Variants in AFF4 observed in about 807,000 individuals in gnomAD.
AFF4 encodes the protein AF4/FMR2 family member 4.
In AFF4, 13 loss-of-function variants were observed where a neutral mutation model predicts 124.8. The observed-to-expected ratio is 0.10, with a 90% CI of 0.07 to 0.17. The LOEUF is 0.17. AFF4 is among the 10% of genes least tolerant of loss of function. The pLI, the probability that AFF4 is intolerant of heterozygous loss-of-function variation, is 1.00. For missense variants in AFF4, 1,092 were observed against 1,403.8 expected, an observed-to-expected ratio of 0.78 and a Z score of 3.55; for synonymous variants, 477 against 496.1, an observed-to-expected ratio of 0.96 and a Z score of 0.51.
chr5:132,947,403 G>A (rs12519955), intron 1 of AFF4, among the ~76,000 whole-genome samples: 17,540 of 152,080 alleles, frequency 0.12, 1,284 homozygotes, highest in South Asian at 0.2. Flanking sequence ...ACTCTGCCTC[G>A]AAAACAAAAA....
intron 1 of AFF4, among the ~76,000 whole-genome samples, chr5:132,958,292 A>G (rs1369547472): frequency 1.3e-5 from 2 of 151,706 alleles, no homozygotes; most frequent in Admixed American, 1.3e-4. Flanking sequence ...GCGAAACCCC[A>G]TTTCTACAAA....
At chr5:132,927,861 A>T (rs995117903) in intron 4 of AFF4, among the ~76,000 whole-genome samples, 2 of 152,172 alleles carry the variant, frequency 1.3e-5, no homozygotes, top group East Asian at 3.9e-4. Flanking sequence ...GAAAAGCAAG[A>T]CCCTAAGTTT....
chr5:132,912,192 AC>A (rs1465792797), intron 5 of AFF4, among the ~76,000 whole-genome samples: 11 of 147,052 alleles, frequency 7.5e-5, no homozygotes, highest in African/African-American at 2.3e-4. Context: ...AAAAAAAAAA[AC>A]ATTTAGCAGG....
Position 132,892,321 on chromosome 5 carries a change from T to C in AFF4, c.2480A>G (p.Glu827Gly). ...GPVPSKDPKT[E>G]HGSRKRTISQ... ...AATAGTCCTCTTCCGAGAGCCATGC[T>C]CTGTTTTTGGATCTTTTGAAGGAAC... is the stretch of plus-strand genomic sequence containing the variant. Residue 827 changes from glutamate to glycine, a missense_variant, in exon 13 of 21, where the codon GAG (glutamate) becomes GGG (glycine). Glu to Gly is a moderately conservative substitution (Grantham distance 98, BLOSUM62 -2). This residue lies in a region of AFF4 where 293 missense variants were observed against 280.2 expected (regional missense o/e 1.05). Coordinates refer to ENST00000265343, the MANE Select transcript of AFF4 (RefSeq NM_014423.4). The C allele has an allele frequency of 6.2e-7, 1 of 1,614,130 alleles. No individual in the cohort carries two copies. Among genetic ancestry groups the C allele is most frequent in the South Asian group, 1.1e-5 (1 of 91,084 alleles).
At chr5:132,929,051 C>G (rs180781885) in intron 4 of AFF4, among the ~76,000 whole-genome samples, 16 of 152,112 alleles carry the variant, frequency 1.1e-4, no homozygotes, top group African/African-American at 3.9e-4. Flanking sequence ...TTGAATAAAT[C>G]ATTTTTTCAA....
intron 5 of AFF4, among the ~76,000 whole-genome samples, chr5:132,910,287 TC>T (rs1760764872): frequency 6.6e-6 from 1 of 152,112 alleles, no homozygotes; most frequent in Non-Finnish European, 1.5e-5. Flanking sequence ...CTAAACCAGC[TC>T]CCCAATATGA....
chr5:132,914,473 T>G (rs1027930643), intron 5 of AFF4, among the ~76,000 whole-genome samples: 5 of 151,726 alleles, frequency 3.3e-5, no homozygotes, highest in African/African-American at 1.2e-4. Flanking sequence ...TGGTGGCATG[T>G]GCCTGTAATC....
At position 132,949,032 on chromosome 5, in the gene AFF4, T is replaced by C. The variant is rs79840791; in HGVS notation, c.-4-11839A>G. 6.3e-4 allele frequency among the ~76,000 whole-genome samples: 96 copies of C among 152,162 alleles called. 3 individuals carry two copies. In the East Asian group the frequency reaches 0.015, roughly 24 times the overall value. On this transcript the variant is annotated intron_variant, in intron 1 of 20. Transcript: ENST00000265343. Reference sequence around the variant, plus strand: ...ATATATTAATCTATCCCTTGGAATTTATAGATTTGAAGATGGCTCTTGCCT... The same window carrying C: ...ATATATTAATCTATCCCTTGGAATTCATAGATTTGAAGATGGCTCTTGCCT...
Position 132,951,168 on chromosome 5 carries a change from G to A in AFF4, c.-5+12091C>T, listed in dbSNP as rs534132048. Among the ~76,000 whole-genome samples, 9 of 151,560 alleles carry A rather than the reference G, an allele frequency of 5.9e-5. No individual in the cohort carries two copies. The South Asian group carries it at 8.3e-4, about 14-fold the overall frequency. ...TGAACCAGGAGGCAGAGGTTGCAGC[G>A]AGCAGAGATCGCCACACTGCACTCT... is the stretch of plus-strand genomic sequence containing the variant. On this transcript the variant is annotated intron_variant, in intron 1 of 20. Coordinates refer to ENST00000265343, the MANE Select transcript of AFF4 (RefSeq NM_014423.4).
chr5:132,926,234 T>C (rs766579411), intron 5 of AFF4: 9 of 485,410 alleles, frequency 1.9e-5, no homozygotes, highest in Non-Finnish European at 3.3e-5. Flanking sequence ...AGGAGCTCTG[T>C]TGGGATGAAG....
chr5:132,948,938 C>A (rs1011346780), intron 1 of AFF4, among the ~76,000 whole-genome samples: 44 of 152,032 alleles, frequency 2.9e-4, no homozygotes, highest in African/African-American at 8.5e-4. Context: ...GTGTACTTAA[C>A]CTAAACTGTG....
chr5:132,924,008 C>T (rs1761114230), intron 5 of AFF4, among the ~76,000 whole-genome samples: 1 of 152,096 alleles, frequency 6.6e-6, no homozygotes, highest in Non-Finnish European at 1.5e-5. Flanking sequence ...GTGATCCCAG[C>T]ACTTTGGGAG....
intron 1 of AFF4, among the ~76,000 whole-genome samples, 163 bp downstream of exon 1, chr5:132,963,096 G>C (rs371815426): frequency 6.6e-6 from 1 of 152,120 alleles, no homozygotes; most frequent in East Asian, 1.9e-4. Context: ...GGTGGGGTGG[G>C]ACGCGCAGAT....
chr5:132,892,003 C>A, intron 13 of AFF4, 161 bp downstream of exon 13: 1 of 1,102,010 alleles, frequency 9.1e-7, no homozygotes, highest in Non-Finnish European at 1.3e-6. Context: ...AGTCTTATAT[C>A]ACTGTATTCA....
At chr5:132,887,430 GATTC>G in intron 17 of AFF4, 87 bp downstream of exon 17, 10 of 1,208,176 alleles carry the variant, frequency 8.3e-6, no homozygotes, top group Non-Finnish European at 1.2e-5. Context: ...ACAGAAGTCT[GATTC>G]AAGGAAAACA....
chr5:132,916,326 G>A (rs1044659037), intron 5 of AFF4, among the ~76,000 whole-genome samples: 5 of 151,560 alleles, frequency 3.3e-5, no homozygotes, highest in Non-Finnish European at 7.4e-5. Flanking sequence ...GCTTTGAGAG[G>A]CTTAGACAGG....
At chr5:132,949,847 CAAAAA>C (rs113489900) in intron 1 of AFF4, among the ~76,000 whole-genome samples, 1 of 100,198 alleles carries the variant, frequency 1.0e-5, no homozygotes, top group Admixed American at 1.1e-4. Context: ...GACTCTGTCT[CAAAAA>C]AAAAAAAAAA....
At chr5:132,888,420 G>T (rs78391459) in intron 14 of AFF4, among the ~76,000 whole-genome samples, 3 of 152,000 alleles carry the variant, frequency 2.0e-5, no homozygotes, top group Non-Finnish European at 4.4e-5. Flanking sequence ...CAAGTTGATT[G>T]TAAGATTAAG....
At chr5:132,906,221 C>G (rs751755109) in intron 5 of AFF4, among the ~76,000 whole-genome samples, 2 of 152,180 alleles carry the variant, frequency 1.3e-5, no homozygotes, top group South Asian at 4.1e-4. Flanking sequence ...TAAGTAAACA[C>G]AGAGTTACCA....
Sources: allele counts gnomAD v4.1 joint callset (sites outside exome capture counted in the v4.1 genomes callset), GRCh38; gene constraint gnomAD v4.1.1; regional missense constraint gnomAD v4.1.1; transcripts MANE v1.5; gene names NCBI Gene and HGNC (gene_info 2026-07-23, HGNC 2026-07-21).